Variants in UBR3 observed in about 807,000 individuals in gnomAD.
The protein encoded by UBR3 is ubiquitin protein ligase E3 component n-recognin 3.
Under a neutral mutation model 243.2 loss-of-function variants are expected in UBR3, and 85 were observed. That is an observed-to-expected ratio of 0.35 (90% CI 0.29 to 0.42). UBR3 has a LOEUF of 0.42. Among genes scored for constraint, UBR3 ranks in the 10% least tolerant of loss-of-function variants. UBR3 has a pLI of 1.00. For synonymous variants in UBR3, 748 were observed against 799.8 expected (o/e 0.94, Z 1.09); for missense variants, 1,686 against 2,300.8 (o/e 0.73, Z 5.47).
In UBR3 at chr2:169,870,913, C is replaced by G. The variant is rs868486389; in HGVS notation, c.546-1323C>G. On this transcript the variant is annotated intron_variant, in intron 1 of 38. Coordinates refer to ENST00000272793, the MANE Select transcript of UBR3 (RefSeq NM_172070.4). ...AGGTGATGCACCGGCCTTGGCCTCCCAAAGTGCTGGGATTACAGGCATGAG... is the reference window on the plus strand; with the variant it reads ...AGGTGATGCACCGGCCTTGGCCTCCGAAAGTGCTGGGATTACAGGCATGAG... Among the ~76,000 whole-genome samples the G allele has an allele frequency of 5.3e-5, 8 of 151,106 alleles. No individual in the cohort carries two copies. The South Asian group carries it at 8.3e-4, about 16-fold the overall frequency.
chr2:169,827,696 G>C lies in UBR3; in HGVS notation c.189G>C (p.Arg63=). Residue 63 remains arginine (R), a synonymous_variant, in exon 1 of 39, where the codon CGG becomes CGC. Transcript: ENST00000272793. ...TGGAGCGGGTGCTGAGCGCCGAGCG[G>C]CCGCTGGCCGCGGCTGCCGGCGGCG... ...ALLERVLSAE[R]PLAAAAGGED... is the part of the protein sequence containing the mutation. 1 of 1,212,194 alleles carries C rather than the reference G, an allele frequency of 8.2e-7. No homozygotes were observed. Among genetic ancestry groups the C allele is most frequent in the South Asian group, 4.1e-5 (1 of 24,388 alleles). 75.1% of individuals were successfully genotyped at this position (1,212,194 alleles called of 1,614,324 possible).
chr2:170,014,280 T>C (rs1450405947), intron 29 of UBR3: 1 of 153,726 alleles, frequency 6.5e-6, no homozygotes. Flanking sequence ...CAAAATGTTT[T>C]GTTTTAAATA....
At chr2:169,969,477 CT>C (rs1443332565) in intron 24 of UBR3, among the ~76,000 whole-genome samples, 1 of 151,048 alleles carries the variant, frequency 6.6e-6, no homozygotes, top group African/African-American at 2.4e-5. Context: ...TTTTTGGTAC[CT>C]TTGTTGAAAA....
chr2:170,001,926 A>AAAAAAAAAAAAAAAAAAAAG (rs2089720125), intron 27 of UBR3, among the ~76,000 whole-genome samples: 1 of 123,198 alleles, frequency 8.1e-6, no homozygotes, highest in Non-Finnish European at 1.8e-5. Flanking sequence ...AAAAAAAAAA[A>AAAAAAAAAAAAAAAAAAAAG]AAAAAAAAAA....
At chr2:170,057,027 T>C (rs1415062419) in intron 33 of UBR3, among the ~76,000 whole-genome samples, 1 of 152,190 alleles carries the variant, frequency 6.6e-6, no homozygotes, top group East Asian at 1.9e-4. Flanking sequence ...ATTCTCAAAA[T>C]TAATTTCTGT....
chr2:169,881,796 T>G (rs542065083), intron 5 of UBR3, among the ~76,000 whole-genome samples: 7 of 139,664 alleles, frequency 5.0e-5, no homozygotes, highest in African/African-American at 1.6e-4. Context: ...TGTATATTTA[T>G]ATTTATGTTA....
chr2:169,857,744 A>G (rs2082940134), intron 1 of UBR3, among the ~76,000 whole-genome samples: 1 of 150,438 alleles, frequency 6.6e-6, no homozygotes, highest in African/African-American at 2.4e-5. Flanking sequence ...ATCTATTTTT[A>G]TTTTTATTTT....
intron 32 of UBR3, among the ~76,000 whole-genome samples, chr2:170,053,524 C>T (rs1409715233): frequency 6.6e-6 from 1 of 152,140 alleles, no homozygotes; most frequent in Non-Finnish European, 1.5e-5. Flanking sequence ...TATCCTTTTG[C>T]AGTCATAAGT....
intron 19 of UBR3, among the ~76,000 whole-genome samples, chr2:169,935,007 A>C (rs2086270741): frequency 6.6e-6 from 1 of 152,020 alleles, no homozygotes; most frequent in Non-Finnish European, 1.5e-5. Flanking sequence ...TCCCTTCCAA[A>C]TACCCCTGAG....
chr2:169,848,388 A>G (rs1259425407), intron 1 of UBR3, among the ~76,000 whole-genome samples: 1 of 149,782 alleles, frequency 6.7e-6, no homozygotes, highest in Admixed American at 6.7e-5. Context: ...TATAATAGAT[A>G]GAAGAAAAAG....
Position 170,082,060 on chromosome 2 carries a change from A to ATTCT in UBR3, c.*220_*223dup. The ATTCT allele has an allele frequency of 5.5e-6, 2 of 362,946 alleles. No individual in the cohort carries two copies. Among genetic ancestry groups the ATTCT allele is most frequent in the Non-Finnish European group, 9.8e-6 (2 of 203,490 alleles). The allele number at this position is 362,946 out of a possible 1,614,324, so 22.5% of individuals were successfully genotyped here. ...GAGAACATTAATAACAAGTTAAATTATTCTTTAGTGGTCATTTTTTAAGTG... is the reference window on the plus strand; with the variant it reads ...GAGAACATTAATAACAAGTTAAATTATTCTTTCTTTAGTGGTCATTTTTTAAGTG... On this transcript the variant is annotated 3_prime_UTR_variant, in exon 39 of 39. Transcript: ENST00000272793.
intron 25 of UBR3, among the ~76,000 whole-genome samples, chr2:169,992,120 G>A (rs1485138668): frequency 6.6e-6 from 1 of 152,106 alleles, no homozygotes; most frequent in Non-Finnish European, 1.5e-5. Context: ...GATTATAGGA[G>A]AATACTATGA....
intron 1 of UBR3, among the ~76,000 whole-genome samples, chr2:169,871,821 A>G (rs999414789): frequency 6.6e-6 from 1 of 151,668 alleles, no homozygotes; most frequent in African/African-American, 2.4e-5. Flanking sequence ...ATAAACTTCA[A>G]GGTTTTGTAT....
At position 169,875,835 on chromosome 2, in the gene UBR3, C is replaced by G. The variant is rs2083586365; in HGVS notation, c.730C>G (p.Leu244Val). ...AAAGGACCTTAACAAAGTCCTTCAGCTTTTGGAACCTCAAATTTCCTTTTT... is the reference window on the plus strand; with the variant it reads ...AAAGGACCTTAACAAAGTCCTTCAGGTTTTGGAACCTCAAATTTCCTTTTT... Reference protein sequence around the residue: ...SEKDLNKVLQLLEPQISFLED... With the variant: ...SEKDLNKVLQVLEPQISFLED... Residue 244 changes from leucine (L) to valine (V), a missense_variant, in exon 3 of 39, where the codon CTT (leucine) becomes GTT (valine). By Grantham distance (32) the Leu-to-Val change is conservative. This residue lies in a region of UBR3 where 200 missense variants were observed against 231.6 expected (regional missense o/e 0.86). Coordinates refer to ENST00000272793, the MANE Select transcript of UBR3 (RefSeq NM_172070.4). 6.5e-7 allele frequency: 1 copy of G among 1,549,208 alleles called. No individual in the cohort carries two copies. Among genetic ancestry groups the G allele is most frequent in the Non-Finnish European group, 8.7e-7 (1 of 1,145,916 alleles).
intron 19 of UBR3, among the ~76,000 whole-genome samples, chr2:169,938,953 T>G (rs1248533521): frequency 2.0e-5 from 3 of 152,158 alleles, no homozygotes; most frequent in Non-Finnish European, 4.4e-5. Flanking sequence ...TGTGGATAAC[T>G]TAAAACTACA....
intron 25 of UBR3, 116 bp from the exon 26 acceptor site, chr2:169,994,207 T>C: frequency 8.1e-7 from 1 of 1,238,872 alleles, no homozygotes; most frequent in Non-Finnish European, 1.1e-6. Flanking sequence ...TCTTTAAAAA[T>C]ATTCTAATAG....
chr2:169,868,225 A>G (rs766609550), intron 1 of UBR3, among the ~76,000 whole-genome samples: 19 of 151,778 alleles, frequency 1.3e-4, no homozygotes, highest in Non-Finnish European at 2.6e-4. Context: ...CTCTTGGTAA[A>G]CTCCCGCCTA....
intron 24 of UBR3, among the ~76,000 whole-genome samples, chr2:169,986,280 G>A (rs1458314135): frequency 1.3e-5 from 2 of 152,044 alleles, no homozygotes; most frequent in African/African-American, 4.8e-5. Context: ...CCCCTTAGGT[G>A]CCTCAAGGAA....
intron 1 of UBR3, among the ~76,000 whole-genome samples, chr2:169,851,849 A>C (rs1034136912): frequency 1.6e-4 from 24 of 152,026 alleles, no homozygotes; most frequent in African/African-American, 3.9e-4. Flanking sequence ...AAAAAAAAAA[A>C]AAAAACAACA....
Sources: gnomAD v4.1 joint callset for allele counts (sites outside exome capture counted in the v4.1 genomes callset) on GRCh38, gnomAD v4.1.1 for gene constraint, gnomAD v4.1.1 regional missense constraint, MANE v1.5 for transcripts, NCBI Gene and HGNC (gene_info 2026-07-23, HGNC 2026-07-21) for gene names.